The following PDCD11 variants were observed in gnomAD, a reference collection of about 807,000 sequenced individuals.
PDCD11 encodes the protein protein RRP5 homolog.
In PDCD11, 97 loss-of-function variants were observed where a neutral mutation model predicts 198.9. The ratio of observed to expected loss-of-function variants is 0.49; its 90% CI spans 0.41 to 0.58. The LOEUF (loss-of-function observed/expected upper bound fraction) is 0.58. Ranked by LOEUF, PDCD11 falls within the 20% of genes least tolerant of loss-of-function variation. The pLI, the probability that PDCD11 is intolerant of heterozygous loss-of-function variation, is 0.00. For missense variants in PDCD11, 2,102 were observed against 2,312.7 expected, an observed-to-expected ratio of 0.91 and a Z score of 1.87; for synonymous variants, 893 against 918.0, an observed-to-expected ratio of 0.97 and a Z score of 0.49.
chr10:103,399,107 G>GTTTT (rs71019680), intron 2 of PDCD11, among the ~76,000 whole-genome samples: 9 of 125,984 alleles, frequency 7.1e-5, no homozygotes, highest in Non-Finnish European at 1.0e-4. Flanking sequence ...AGAGGAAGCA[G>GTTTT]TTTTTTTTTT....
rs746790959 is a variant in PDCD11, at chr10:103,409,842, GT to G, written c.978+38del. On this transcript the variant is annotated intron_variant, in intron 8 of 35. Transcript: ENST00000369797. ...TTGAGCCTATATTTTCTTGATTCCA[GT>G]TGTGGTCCATTTGCTGTCCAGTATC... is the stretch of plus-strand genomic sequence containing the variant. The G allele has an allele frequency of 6.7e-6, 10 of 1,500,274 alleles. No individual in the cohort carries two copies. The South Asian group carries it at 1.1e-4, about 17-fold the overall frequency. The allele number at this position is 1,500,274 out of a possible 1,614,324, so 92.9% of individuals were successfully genotyped here.
chr10:103,419,227 T>G (rs1484915137), intron 15 of PDCD11, among the ~76,000 whole-genome samples: 2 of 152,134 alleles, frequency 1.3e-5, no homozygotes, highest in Non-Finnish European at 1.5e-5. Flanking sequence ...TTTGGTGTCC[T>G]CTAGTAATCT....
intron 35 of PDCD11, 125 bp downstream of exon 35, chr10:103,444,807 C>A: frequency 1.2e-6 from 1 of 862,390 alleles, no homozygotes; most frequent in Non-Finnish European, 1.9e-6. Context: ...ATGTGATGCC[C>A]CAGGCCCAGT....
chr10:103,427,414 T>G (rs1195243526), intron 21 of PDCD11, 23 bp downstream of exon 21: 2 of 1,590,994 alleles, frequency 1.3e-6, no homozygotes, highest in Non-Finnish European at 1.7e-6. Context: ...TTAGCAGCAC[T>G]GTCTTACGGA....
In PDCD11 at chr10:103,440,561, C is replaced by T. The variant is rs369125073; in HGVS notation, c.4420C>T (p.Arg1474Trp). The T allele has an allele frequency of 2.9e-5, 46 of 1,611,344 alleles. No individual in the cohort carries two copies. Among genetic ancestry groups the T allele is most frequent in the Admixed American group, 2.0e-4 (12 of 59,914 alleles). ...QAQKRGGREC[R>W]ESGSEQERVS... is the part of the protein sequence containing the mutation. ...GCAGAAGCGGGGCGGGCGGGAGTGC[C>T]GGGAGTCTGGGAGTGAGCAGGTGAG... Residue 1474 changes from arginine to tryptophan, a missense_variant, in exon 29 of 36, where the codon CGG (arginine) becomes TGG (tryptophan). Coordinates refer to ENST00000369797, the MANE Select transcript of PDCD11 (RefSeq NM_014976.2).
intron 8 of PDCD11, among the ~76,000 whole-genome samples, chr10:103,410,776 T>G (rs1293046291): frequency 6.6e-6 from 1 of 151,612 alleles, no homozygotes; most frequent in Non-Finnish European, 1.5e-5. Context: ...CCTGGCTAGT[T>G]AAAAAAAATT....
chr10:103,407,129 C>A lies in PDCD11; in HGVS notation c.870+339C>A, dbSNP rs183046077. 2.0e-5 allele frequency among the ~76,000 whole-genome samples: 3 copies of A among 152,224 alleles called. No individual in the cohort carries two copies. The East Asian group carries it at 5.8e-4, about 29-fold the overall frequency. ...AAAAGGTTTATAATGAAGAACTTATCCGTCATAACCCCCATCTTTAACTCT... is the reference window on the plus strand; with the variant it reads ...AAAAGGTTTATAATGAAGAACTTATACGTCATAACCCCCATCTTTAACTCT... On this transcript the variant is annotated intron_variant, in intron 7 of 35. Transcript: ENST00000369797.
Position 103,438,730 on chromosome 10 carries a change from A to T in PDCD11, c.3947A>T (p.Asn1316Ile), listed in dbSNP as rs748432496. Residue 1316 changes from asparagine to isoleucine, a missense_variant, in exon 27 of 36, where the codon AAC becomes ATC. Asn to Ile is a moderately radical substitution (Grantham distance 149, BLOSUM62 -3). Transcript: ENST00000369797. ...TKSKVEDPEI[N>I]SIQDIKEGQL... The stretch of plus-strand genomic sequence containing the variant: ...AGCAAAGTAGAAGATCCAGAGATTA[A>T]CTCCATCCAGGACATTAAGGAAGGG... The T allele has an allele frequency of 6.2e-7, 1 of 1,614,114 alleles. No individual in the cohort carries two copies. Among genetic ancestry groups the T allele is most frequent in the Admixed American group, 1.7e-5 (1 of 60,010 alleles).
At chr10:103,411,563 C>T (rs1312511556) in intron 8 of PDCD11, among the ~76,000 whole-genome samples, 5 of 151,964 alleles carry the variant, frequency 3.3e-5, no homozygotes, top group East Asian at 1.9e-4. Flanking sequence ...GATGGGGTCT[C>T]GCTGTGTTGC....
chr10:103,440,441 A>G lies in PDCD11; in HGVS notation c.4300A>G (p.Lys1434Glu). Residue 1434 changes from lysine (K) to glutamate (E), a missense_variant, in exon 29 of 36, where the codon AAA becomes GAA. Lys to Glu is a moderately conservative substitution (Grantham distance 56, BLOSUM62 1). Transcript: ENST00000369797. ...GGAGAGAGACCAAAAAGGGGAAAAG[A>G]AAAATCAGAAAAGGAACGAGAAGAA... ...AEERDQKGEK[K>E]NQKRNEKKNQ... 3 of 1,614,202 alleles carry G rather than the reference A, an allele frequency of 1.9e-6. No individual in the cohort carries two copies. The highest frequency in any genetic ancestry group is 2.5e-6 in the Non-Finnish European group (3 of 1,180,012).
chr10:103,437,897 G>C, intron 25 of PDCD11, 118 bp from the exon 26 acceptor site: 1 of 761,188 alleles, frequency 1.3e-6, no homozygotes, highest in Non-Finnish European at 2.3e-6. Context: ...AACATGACCA[G>C]AGTCTCCTGT....
chr10:103,401,012 C>T (rs1183496083), intron 3 of PDCD11, among the ~76,000 whole-genome samples: 1 of 152,156 alleles, frequency 6.6e-6, no homozygotes, highest in African/African-American at 2.4e-5. Flanking sequence ...GCCTCAACCT[C>T]CCGAAGTGTT....
chr10:103,431,559 T>C (rs1383651651), intron 21 of PDCD11, among the ~76,000 whole-genome samples: 1 of 150,310 alleles, frequency 6.7e-6, no homozygotes, highest in Non-Finnish European at 1.5e-5. Flanking sequence ...GCCACTGCAC[T>C]CCAGCCTGGG....
Position 103,434,321 on chromosome 10 carries a change from C to T in PDCD11, c.3638C>T (p.Ser1213Phe). ...GCCACCGTTGTTGGCCCAGATTCCT[C>T]CAAGACCCTCTTATGTCTGTCCCTC... is the stretch of plus-strand genomic sequence containing the variant. ...LRATVVGPDS[S>F]KTLLCLSLTG... The change falls in exon 24 of 36, where the codon TCC becomes TTC. Residue 1213 changes from serine (S) to phenylalanine (F), a missense_variant. Transcript: ENST00000369797. The T allele has an allele frequency of 6.2e-7, 1 of 1,612,694 alleles. No homozygotes were observed. Among genetic ancestry groups the T allele is most frequent in the Admixed American group, 1.7e-5 (1 of 60,016 alleles).
In PDCD11 at chr10:103,418,489, C is replaced by T; in HGVS notation, c.1961C>T (p.Ala654Val). The T allele has an allele frequency of 6.2e-7, 1 of 1,614,096 alleles. No individual in the cohort carries two copies. The highest frequency in any genetic ancestry group is 8.5e-7 in the Non-Finnish European group (1 of 1,179,972). The change falls in exon 15 of 36, where the codon GCT becomes GTT. Residue 654 changes from alanine (A) to valine (V), a missense_variant. Physicochemically the swap from Ala to Val is moderately conservative, Grantham distance 64. Coordinates refer to ENST00000369797, the MANE Select transcript of PDCD11 (RefSeq NM_014976.2). ...LEKTKDGLEV[A>V]VLPHNIRAFL... Reference sequence around the variant, plus strand: ...AAGACCAAAGATGGGCTGGAGGTGGCTGTCCTGCCCCACAACATCCGTGCT... The same window carrying T: ...AAGACCAAAGATGGGCTGGAGGTGGTTGTCCTGCCCCACAACATCCGTGCT...
intron 3 of PDCD11, 66 bp from the exon 4 acceptor site, chr10:103,403,052 G>T: frequency 6.2e-6 from 9 of 1,461,662 alleles, no homozygotes; most frequent in South Asian, 1.2e-5. Context: ...CTAGAAGCCA[G>T]ACCTTCCAAC....
At chr10:103,437,054 A>G (rs1592139392) in intron 25 of PDCD11, among the ~76,000 whole-genome samples, 1 of 152,142 alleles carries the variant, frequency 6.6e-6, no homozygotes. Context: ...GCTGAGATCA[A>G]ACGTTCTCAG....
At chr10:103,418,857 G>A (rs1366776710) in intron 15 of PDCD11, among the ~76,000 whole-genome samples, 2 of 152,198 alleles carry the variant, frequency 1.3e-5, no homozygotes, top group East Asian at 1.9e-4. Flanking sequence ...TGCAGAGAGG[G>A]GGACTCTCGG....
chr10:103,443,953 C>T lies in PDCD11; in HGVS notation c.5163C>T (p.Phe1721=). The T allele has an allele frequency of 6.2e-7, 1 of 1,614,158 alleles. No homozygotes were observed. The highest frequency in any genetic ancestry group is 8.5e-7 in the Non-Finnish European group (1 of 1,180,044). ...TCTACAACCGGATGCTGAAGCGTTTCCGGCAGGAGAAAGCTGTGTGGATCA... is the reference window on the plus strand; with the variant it reads ...TCTACAACCGGATGCTGAAGCGTTTTCGGCAGGAGAAAGCTGTGTGGATCA... ...GELYNRMLKR[F]RQEKAVWIKY... is the part of the protein sequence containing the mutation. The change falls in exon 34 of 36, where the codon TTC becomes TTT. Residue 1721 remains phenylalanine, a synonymous_variant. Coordinates refer to ENST00000369797, the MANE Select transcript of PDCD11 (RefSeq NM_014976.2).
Sources: allele counts gnomAD v4.1 joint callset (sites outside exome capture counted in the v4.1 genomes callset), GRCh38; gene constraint gnomAD v4.1.1; transcripts MANE v1.5; gene names NCBI Gene and HGNC (gene_info 2026-07-23, HGNC 2026-07-21).